The following ZBTB26 variants were observed in gnomAD, a reference collection of about 807,000 sequenced individuals.
The protein encoded by ZBTB26 is zinc finger and BTB domain containing 26, also known as zinc finger and BTB domain-containing protein 26.
ZBTB26 carries 12 observed loss-of-function variants against 31.6 expected under a neutral mutation model. That is an observed-to-expected ratio of 0.38 (90% CI 0.24 to 0.61). The LOEUF (loss-of-function observed/expected upper bound fraction) is 0.61. Ranked by LOEUF, ZBTB26 falls within the 20% of genes least tolerant of loss-of-function variation. ZBTB26 has a pLI of 0.60. For missense variants in ZBTB26, 311 were observed against 521.9 expected (o/e 0.60, Z 3.94); for synonymous variants, 155 against 182.9 (o/e 0.85, Z 1.23).
At chr9:122,923,687 C>T (rs1370676939) in intron 1 of ZBTB26, among the ~76,000 whole-genome samples, 1 of 152,162 alleles carries the variant, frequency 6.6e-6, no homozygotes, top group African/African-American at 2.4e-5. Flanking sequence ...CCTCACACCC[C>T]AAAATAAGCA....
chr9:122,928,274 G>T (rs1223118120), intron 1 of ZBTB26, among the ~76,000 whole-genome samples: 1 of 151,732 alleles, frequency 6.6e-6, no homozygotes, highest in Non-Finnish European at 1.5e-5. Flanking sequence ...AATTTATGTT[G>T]ATGAATATAG....
intron 1 of ZBTB26, among the ~76,000 whole-genome samples, chr9:122,922,953 A>T (rs1028667334): frequency 2.0e-5 from 3 of 152,220 alleles, no homozygotes; most frequent in African/African-American, 7.2e-5. Context: ...TGGGAGGCCA[A>T]GGCTGGTGGA....
chr9:122,922,968 G>A (rs1177129212), intron 1 of ZBTB26, among the ~76,000 whole-genome samples: 2 of 152,058 alleles, frequency 1.3e-5, no homozygotes, highest in Admixed American at 6.5e-5. Flanking sequence ...GGTGGATCAC[G>A]AGGTCAGGAG....
At chr9:122,923,809 G>C (rs1833137177) in intron 1 of ZBTB26, among the ~76,000 whole-genome samples, 1 of 152,140 alleles carries the variant, frequency 6.6e-6, no homozygotes, top group Admixed American at 6.5e-5. Context: ...GTTTCATTTA[G>C]TCATGTGTCA....
intron 1 of ZBTB26, among the ~76,000 whole-genome samples, chr9:122,929,831 C>T (rs913711848): frequency 1.3e-5 from 2 of 152,046 alleles, no homozygotes; most frequent in African/African-American, 4.8e-5. Context: ...CAATACTCTC[C>T]CCTCCCCCAA....
At position 122,918,570 on chromosome 9, in the gene ZBTB26, A is replaced by G; in HGVS notation, c.*39T>C. 3 of 1,579,026 alleles carry G rather than the reference A, an allele frequency of 1.9e-6. No homozygotes were observed. The highest frequency in any genetic ancestry group is 2.6e-6 in the Non-Finnish European group (3 of 1,164,596). On this transcript the variant is annotated 3_prime_UTR_variant, in exon 2 of 2. Coordinates refer to ENST00000373656, the MANE Select transcript of ZBTB26 (RefSeq NM_020924.4). ...CTAAAAAGACTAAGACTATTGCCAC[A>G]TTGTCAGTCAGTTCGAGTTGTGAGC...
intron 1 of ZBTB26, among the ~76,000 whole-genome samples, chr9:122,920,320 G>T (rs541928788): frequency 6.6e-6 from 1 of 152,234 alleles, no homozygotes; most frequent in Non-Finnish European, 1.5e-5. Context: ...AAGTAAAGAT[G>T]AAATAATTAT....
chr9:122,919,060 A>T lies in ZBTB26; in HGVS notation c.875T>A (p.Leu292Ter). The change falls in exon 2 of 2, where the codon TTA becomes TAA. Residue 292 changes from leucine (L) to a stop codon, truncating the protein, a stop_gained. Coordinates refer to ENST00000373656, the MANE Select transcript of ZBTB26 (RefSeq NM_020924.4). LOFTEE classifies it high-confidence loss of function. The surrounding 1 kb of genome is among the most constrained non-coding windows in gnomAD (Gnocchi z 6.1). ...FRHLENYANH[L>*]KMHKLFMCLL... ...ACACATAAAGAGTTTGTGCATTTTT[A>T]AATGGTTGGCGTAGTTCTCCAGGTG... The T allele has an allele frequency of 6.2e-7, 1 of 1,614,214 alleles. No individual in the cohort carries two copies. Among genetic ancestry groups the T allele is most frequent in the Non-Finnish European group, 8.5e-7 (1 of 1,180,032 alleles).
Position 122,918,486 on chromosome 9 carries a change from G to C in ZBTB26, c.*123C>G, listed in dbSNP as rs1313496345. On this transcript the variant is annotated 3_prime_UTR_variant, in exon 2 of 2. Transcript: ENST00000373656. Reference sequence around the variant, plus strand: ...AAGTTGCCTGGTCTATTAGTGCTTTGACTCACTCCCTACCACCTACACAGA... The same window carrying C: ...AAGTTGCCTGGTCTATTAGTGCTTTCACTCACTCCCTACCACCTACACAGA... 7.0e-7 allele frequency: 1 copy of C among 1,436,354 alleles called. No individual in the cohort carries two copies. The highest frequency in any genetic ancestry group is 1.4e-5 in the African/African-American group (1 of 70,382). The allele number at this position is 1,436,354 out of a possible 1,614,324, so 89.0% of individuals were successfully genotyped here. A position where few individuals can be genotyped will look rare whatever the true frequency, so the allele number is the denominator to read the frequency against.
At chr9:122,923,964 CAT>C (rs1833139770) in intron 1 of ZBTB26, among the ~76,000 whole-genome samples, 2 of 152,170 alleles carry the variant, frequency 1.3e-5, no homozygotes, top group East Asian at 1.9e-4. Context: ...AGTATAGTAA[CAT>C]GTGGTACAGG....
chr9:122,916,796 C>T lies in ZBTB26; in HGVS notation c.*1813G>A, dbSNP rs1218266674. On this transcript the variant is annotated 3_prime_UTR_variant, in exon 2 of 2. Transcript: ENST00000373656. ...CAAAAATCATACTTCACATCTGACT[C>T]ACATGATGATAATTTACATATGATA... The T allele has an allele frequency of 6.6e-6, 1 of 152,184 alleles. No homozygotes were observed. The highest frequency in any genetic ancestry group is 2.4e-5 in the African/African-American group (1 of 41,446). The allele number at this position is 152,184 out of a possible 1,614,324, so 9.4% of individuals were successfully genotyped here.
At chr9:122,926,021 A>G (rs1833173144) in intron 1 of ZBTB26, among the ~76,000 whole-genome samples, 1 of 151,838 alleles carries the variant, frequency 6.6e-6, no homozygotes, top group Admixed American at 6.5e-5. Context: ...GGCCTCCCAA[A>G]GTGGTGGGAT....
intron 1 of ZBTB26, among the ~76,000 whole-genome samples, chr9:122,928,242 T>C (rs112283516): frequency 1.3e-3 from 197 of 152,358 alleles, no homozygotes; most frequent in African/African-American, 4.3e-3. Context: ...ACTTACTTTT[T>C]TCACTCATTG....
intron 1 of ZBTB26, among the ~76,000 whole-genome samples, chr9:122,923,877 T>G (rs1392892251): frequency 6.6e-6 from 1 of 152,260 alleles, no homozygotes; most frequent in Non-Finnish European, 1.5e-5. Context: ...CCATAGAATA[T>G]AATACCATAT....
At chr9:122,924,248 C>T (rs777300536) in intron 1 of ZBTB26, among the ~76,000 whole-genome samples, 5 of 152,184 alleles carry the variant, frequency 3.3e-5, no homozygotes, top group Non-Finnish European at 5.9e-5. Flanking sequence ...AGAATGTGAG[C>T]AAAATTTATT....
chr9:122,927,953 G>A (rs1833208224), intron 1 of ZBTB26, among the ~76,000 whole-genome samples: 1 of 151,896 alleles, frequency 6.6e-6, no homozygotes, highest in Non-Finnish European at 1.5e-5. Context: ...TCCTGCCTCA[G>A]CCTCCTGAGT....
chr9:122,919,328 A>C lies in ZBTB26; in HGVS notation c.607T>G (p.Phe203Val). 1 of 1,614,178 alleles carries C rather than the reference A, an allele frequency of 6.2e-7. No individual in the cohort carries two copies. Among genetic ancestry groups the C allele is most frequent in the East Asian group, 2.2e-5 (1 of 44,886 alleles). ...EVRSKKDQNQ[F>V]ISSEPTALHS... ...AAAGCAGTGGGTTCAGAAGAAATAA[A>C]CTGGTTCTGATCTTTTTTACTTCTA... Residue 203 changes from phenylalanine to valine, a missense_variant, in exon 2 of 2, where the codon TTT becomes GTT. Physicochemically the swap from Phe to Val is conservative, Grantham distance 50. Coordinates refer to ENST00000373656, the MANE Select transcript of ZBTB26 (RefSeq NM_020924.4). This position sits in a 1 kb window ranked among gnomAD's most constrained non-coding sequence, Gnocchi z 6.1.
At chr9:122,920,051 TG>T in intron 1 of ZBTB26, 107 bp from the exon 2 acceptor site, 1 of 1,267,534 alleles carries the variant, frequency 7.9e-7, no homozygotes, top group Non-Finnish European at 1.1e-6. Flanking sequence ...CTGTTTTGTA[TG>T]TATCCAAATG....
intron 1 of ZBTB26, among the ~76,000 whole-genome samples, chr9:122,924,756 G>C (rs1833152863): frequency 3.3e-5 from 5 of 151,798 alleles, no homozygotes. Context: ...CTCCTGAGTA[G>C]CCAGGACTAC....
Sources: gnomAD v4.1 joint callset for allele counts (sites outside exome capture counted in the v4.1 genomes callset) on GRCh38, gnomAD v4.1.1 for gene constraint, Gnocchi (gnomAD v3.1) non-coding constraint, MANE v1.5 for transcripts, NCBI Gene and HGNC (gene_info 2026-07-23, HGNC 2026-07-21) for gene names.